The following GABRA2 variants were observed in gnomAD, a reference collection of about 807,000 sequenced individuals.
GABRA2 encodes gamma-aminobutyric acid receptor subunit alpha-2.
In GABRA2, 16 loss-of-function variants were observed where a neutral mutation model predicts 48.7. That is an observed-to-expected ratio of 0.33 (90% CI 0.22 to 0.50). The LOEUF is 0.50. Ranked by LOEUF, GABRA2 falls within the 20% of genes least tolerant of loss-of-function variation. The pLI is 0.98. For missense variants in GABRA2, 275 were observed against 535.6 expected (o/e 0.51, Z 4.80); for synonymous variants, 185 against 184.5 (o/e 1.00, Z -0.02).
rs535739799 is a variant in GABRA2, at chr4:46,257,211, T to C, written c.1059+4715A>G. On this transcript the variant is annotated intron_variant, in intron 9 of 9. Coordinates refer to ENST00000381620, the MANE Select transcript of GABRA2 (RefSeq NM_000807.4). ...TACCAAATGGTGTCAAAACACAATT[T>C]GGGGAATGAGAGGAGTTAAATAAAT... Among the ~76,000 whole-genome samples the C allele has an allele frequency of 1.2e-4, 18 of 151,750 alleles. No homozygotes were observed. In the South Asian group the frequency reaches 3.5e-3, roughly 30 times the overall value.
At chr4:46,301,772 T>C (rs1725784857) in intron 8 of GABRA2, among the ~76,000 whole-genome samples, 1 of 152,230 alleles carries the variant, frequency 6.6e-6, no homozygotes, top group African/African-American at 2.4e-5. Flanking sequence ...CCTGGTTATA[T>C]GGTGCCATCC....
chr4:46,308,898 G>T (rs965321503), intron 6 of GABRA2, among the ~76,000 whole-genome samples: 1 of 151,186 alleles, frequency 6.6e-6, no homozygotes, highest in Non-Finnish European at 1.5e-5. Flanking sequence ...TTTACAACAT[G>T]ATTACATCTT....
intron 8 of GABRA2, among the ~76,000 whole-genome samples, chr4:46,263,851 C>A (rs1053099469): frequency 6.6e-6 from 1 of 150,524 alleles, no homozygotes; most frequent in Non-Finnish European, 1.5e-5. Flanking sequence ...GGTAGTAATG[C>A]CATTTTAATG....
At chr4:46,357,983 A>G (rs1736279530) in intron 3 of GABRA2, among the ~76,000 whole-genome samples, 1 of 152,128 alleles carries the variant, frequency 6.6e-6, no homozygotes, top group Non-Finnish European at 1.5e-5. Context: ...AGTAAAATTG[A>G]AATAGTCCTA....
At chr4:46,323,637 T>C (rs1273347589) in intron 4 of GABRA2, among the ~76,000 whole-genome samples, 2 of 151,592 alleles carry the variant, frequency 1.3e-5, no homozygotes, top group Non-Finnish European at 2.9e-5. Context: ...CTCGTTGAAA[T>C]GTACAGACAC....
At chr4:46,332,550 T>A (rs1350201287) in intron 4 of GABRA2, 65 bp downstream of exon 4, 4 of 905,174 alleles carry the variant, frequency 4.4e-6, no homozygotes, top group African/African-American at 3.3e-5. Context: ...AAATGCTAGT[T>A]TATTTGAAAT....
intron 8 of GABRA2, among the ~76,000 whole-genome samples, chr4:46,268,367 T>C (rs1718661561): frequency 6.6e-6 from 1 of 151,900 alleles, no homozygotes; most frequent in African/African-American, 2.4e-5. Flanking sequence ...AGTAATTGAA[T>C]TGAGAAACAG....
At chr4:46,370,747 G>A (rs1363984943) in intron 3 of GABRA2, among the ~76,000 whole-genome samples, 1 of 152,190 alleles carries the variant, frequency 6.6e-6, no homozygotes, top group Middle Eastern at 3.4e-3. Flanking sequence ...TGTCCTTCCA[G>A]ACTGGACAGA....
intron 4 of GABRA2, among the ~76,000 whole-genome samples, chr4:46,313,077 C>T (rs1474530291): frequency 1.4e-5 from 2 of 146,894 alleles, no homozygotes; most frequent in African/African-American, 2.5e-5. Context: ...TTTAAGTAGC[C>T]TATTTCAAGA....
chr4:46,289,048 A>C (rs942479480), intron 8 of GABRA2, among the ~76,000 whole-genome samples: 28 of 151,834 alleles, frequency 1.8e-4, no homozygotes, highest in African/African-American at 6.3e-4. Context: ...TAAAAAGACA[A>C]AAAAAAACAG....
At chr4:46,341,051 A>G (rs1733133293) in intron 3 of GABRA2, among the ~76,000 whole-genome samples, 1 of 151,688 alleles carries the variant, frequency 6.6e-6, no homozygotes, top group Non-Finnish European at 1.5e-5. Flanking sequence ...TGGTTTTTAT[A>G]TCCTGGGTTT....
At chr4:46,280,041 C>T (rs1456560070) in intron 8 of GABRA2, among the ~76,000 whole-genome samples, 1 of 151,082 alleles carries the variant, frequency 6.6e-6, no homozygotes, top group Non-Finnish European at 1.5e-5. Flanking sequence ...TCTAGGCTTA[C>T]AAGTTTTTTT....
At chr4:46,382,015 C>T (rs1716822019) in intron 3 of GABRA2, among the ~76,000 whole-genome samples, 1 of 151,970 alleles carries the variant, frequency 6.6e-6, no homozygotes, top group Non-Finnish European at 1.5e-5. Flanking sequence ...TTGTTGAGTG[C>T]TTACTATGTG....
intron 3 of GABRA2, among the ~76,000 whole-genome samples, chr4:46,371,849 AG>A (rs1714942682): frequency 6.6e-6 from 1 of 152,202 alleles, no homozygotes; most frequent in Non-Finnish European, 1.5e-5. Flanking sequence ...AATAATATTT[AG>A]TGAGCACTTA....
intron 3 of GABRA2, among the ~76,000 whole-genome samples, chr4:46,362,038 C>T (rs913290032): frequency 7.2e-5 from 11 of 152,096 alleles, no homozygotes; most frequent in South Asian, 6.2e-4. Flanking sequence ...TAGCATGTCT[C>T]GGATGAGACT....
intron 8 of GABRA2, among the ~76,000 whole-genome samples, chr4:46,296,131 C>A (rs1041141075): frequency 2.0e-5 from 3 of 152,058 alleles, no homozygotes; most frequent in African/African-American, 7.2e-5. Flanking sequence ...TCCAGAAGGC[C>A]GTGTATGCTC....
chr4:46,363,192 G>A (rs1258391370), intron 3 of GABRA2, among the ~76,000 whole-genome samples: 1 of 152,136 alleles, frequency 6.6e-6, no homozygotes, highest in Non-Finnish European at 1.5e-5. Context: ...AAGAAATATT[G>A]AATGTAGGGA....
chr4:46,381,462 T>C (rs1189422417), intron 3 of GABRA2, among the ~76,000 whole-genome samples: 3 of 152,160 alleles, frequency 2.0e-5, no homozygotes, highest in Admixed American at 2.0e-4. Flanking sequence ...AGGCCCACAA[T>C]GAAATAAGAC....
chr4:46,346,145 T>G (rs1417517877), intron 3 of GABRA2, among the ~76,000 whole-genome samples: 1 of 151,962 alleles, frequency 6.6e-6, no homozygotes, highest in Non-Finnish European at 1.5e-5. Flanking sequence ...TTGTCATCCA[T>G]CAATTGAATT....
Sources: allele counts gnomAD v4.1 joint callset (sites outside exome capture counted in the v4.1 genomes callset), GRCh38; gene constraint gnomAD v4.1.1; transcripts MANE v1.5; gene names NCBI Gene and HGNC (gene_info 2026-07-23, HGNC 2026-07-21).